The following FARS2 variants were observed in gnomAD, a reference collection of about 807,000 sequenced individuals.
The protein encoded by FARS2 is phenylalanine--tRNA ligase, mitochondrial.
A neutral mutation model predicts 46.4 loss-of-function variants in FARS2; 40 were observed. The ratio of observed to expected loss-of-function variants is 0.86; its 90% CI spans 0.67 to 1.12. The LOEUF is 1.12. FARS2 is among the 50% of genes most tolerant of loss of function. FARS2 has a pLI of 0.00. For synonymous variants in FARS2, 234 were observed against 214.9 expected, an observed-to-expected ratio of 1.09 and a Z score of -0.78; for missense variants, 513 against 567.9, an observed-to-expected ratio of 0.90 and a Z score of 0.98.
In FARS2 at chr6:5,706,391, C is replaced by T. The variant is rs79774020; in HGVS notation, c.1218-64900C>T. 2.7e-3 allele frequency among the ~76,000 whole-genome samples: 412 copies of T among 152,212 alleles called. 8 individuals are homozygous for T. In the East Asian group the frequency reaches 0.05, roughly 18 times the overall value. On this transcript the variant is annotated intron_variant, in intron 6 of 6. Transcript: ENST00000274680. ...AGTCTTGATCACCATCATGATTCTC[C>T]CACATAGTATGCTCGTGGTCAGTAG... is the stretch of plus-strand genomic sequence containing the variant.
intron 6 of FARS2, among the ~76,000 whole-genome samples, chr6:5,704,620 C>A (rs1009864732): frequency 2.0e-5 from 3 of 152,150 alleles, no homozygotes; most frequent in African/African-American, 7.2e-5. Context: ...CAAAGTGGTT[C>A]ATTGACGTCC....
chr6:5,432,672 C>A (rs991747627), intron 4 of FARS2, among the ~76,000 whole-genome samples: 1 of 150,874 alleles, frequency 6.6e-6, no homozygotes, highest in Non-Finnish European at 1.5e-5. Flanking sequence ...CGGCTCTGCT[C>A]CCTTAGAAGG....
At chr6:5,289,145 C>G (rs1292448088) in intron 1 of FARS2, among the ~76,000 whole-genome samples, 1 of 152,148 alleles carries the variant, frequency 6.6e-6, no homozygotes, top group Non-Finnish European at 1.5e-5. Context: ...ACACACTTAA[C>G]ATGTAACATG....
chr6:5,580,188 G>A (rs1773243055), intron 5 of FARS2, among the ~76,000 whole-genome samples: 1 of 150,194 alleles, frequency 6.7e-6, no homozygotes, highest in African/African-American at 2.5e-5. Context: ...TACTCAGGAG[G>A]CTCAAGCAGG....
At chr6:5,595,340 C>A (rs1774139742) in intron 5 of FARS2, among the ~76,000 whole-genome samples, 1 of 152,178 alleles carries the variant, frequency 6.6e-6, no homozygotes, top group Non-Finnish European at 1.5e-5. Context: ...GGAAATGACG[C>A]CTCAGCTGAA....
At chr6:5,565,631 A>G (rs568999955) in intron 5 of FARS2, among the ~76,000 whole-genome samples, 1 of 152,330 alleles carries the variant, frequency 6.6e-6, no homozygotes, top group Non-Finnish European at 1.5e-5. Context: ...TAGAAATCCC[A>G]TACAATTTTG....
chr6:5,318,387 C>CAAAAAAAAAAAAAAAAAAAAAAA (rs753113504), intron 1 of FARS2, among the ~76,000 whole-genome samples: 2 of 77,192 alleles, frequency 2.6e-5, no homozygotes, highest in African/African-American at 9.5e-5. Context: ...AAAAAAAAAC[C>CAAAAAAAAAAAAAAAAAAAAAAA]AAAAAAAAAA....
intron 5 of FARS2, among the ~76,000 whole-genome samples, chr6:5,552,239 A>G (rs1213254007): frequency 6.6e-6 from 1 of 152,194 alleles, no homozygotes; most frequent in Non-Finnish European, 1.5e-5. Flanking sequence ...AACTTGTTTT[A>G]TTACTACAGT....
chr6:5,259,406 A>T (rs1764844591), upstream of FARS2, among the ~76,000 whole-genome samples: 1 of 152,244 alleles, frequency 6.6e-6, no homozygotes, highest in African/African-American at 2.4e-5. Flanking sequence ...ATTAAGTAAA[A>T]TCATTCTCTC....
intron 4 of FARS2, among the ~76,000 whole-genome samples, chr6:5,444,492 A>AAGAG (rs1159436875): frequency 1.7e-4 from 6 of 35,580 alleles, no homozygotes; most frequent in Non-Finnish European, 3.1e-4. Flanking sequence ...AAAAAAAAAA[A>AAGAG]AGAGAGAGAG....
intron 6 of FARS2, among the ~76,000 whole-genome samples, chr6:5,619,840 T>G (rs1354718751): frequency 6.6e-6 from 1 of 152,082 alleles, no homozygotes; most frequent in Non-Finnish European, 1.5e-5. Context: ...TTCCATATGT[T>G]CATTCATTTT....
intron 1 of FARS2, among the ~76,000 whole-genome samples, chr6:5,328,766 G>A (rs1465785547): frequency 1.1e-4 from 16 of 151,724 alleles, no homozygotes; most frequent in Non-Finnish European, 8.8e-5. Flanking sequence ...GTAAGTAAGA[G>A]GTCCTTAAAA....
At chr6:5,491,666 C>T (rs973431179) in intron 4 of FARS2, among the ~76,000 whole-genome samples, 2 of 152,144 alleles carry the variant, frequency 1.3e-5, no homozygotes, top group Non-Finnish European at 2.9e-5. Context: ...ATAGCACATT[C>T]GTCATTTTCT....
chr6:5,381,370 A>AACACACACACAC (rs3057175), intron 2 of FARS2, among the ~76,000 whole-genome samples: 171 of 132,982 alleles, frequency 1.3e-3, no homozygotes, highest in East Asian at 8.0e-3. Flanking sequence ...ACTCCCCAGA[A>AACACACACACAC]ACACACACAC....
At chr6:5,596,546 G>T (rs74896056) in intron 5 of FARS2, among the ~76,000 whole-genome samples, 2,694 of 152,272 alleles carry the variant, frequency 0.018, 74 homozygotes, top group African/African-American at 0.06. Flanking sequence ...TCATTAAAGG[G>T]CTTGGAATTT....
intron 5 of FARS2, 91 bp downstream of exon 5, chr6:5,545,431 TTTTA>T (rs1439676619): frequency 4.5e-6 from 4 of 891,954 alleles, no homozygotes; most frequent in African/African-American, 3.5e-5. Flanking sequence ...CTGAATTTTA[TTTTA>T]TTTATTTTAT....
At chr6:5,441,504 T>C (rs1027599277) in intron 4 of FARS2, among the ~76,000 whole-genome samples, 3 of 152,334 alleles carry the variant, frequency 2.0e-5, no homozygotes, top group Admixed American at 6.5e-5. Flanking sequence ...ACAAATGAAA[T>C]CACAGTATAG....
intron 4 of FARS2, among the ~76,000 whole-genome samples, chr6:5,514,948 GT>G (rs5873986): frequency 2.0e-5 from 3 of 147,926 alleles, no homozygotes; most frequent in African/African-American, 5.0e-5. Context: ...TTTGTTTTTT[GT>G]TTTTTTTTTC....
At chr6:5,598,520 T>C (rs1774330562) in intron 5 of FARS2, among the ~76,000 whole-genome samples, 1 of 152,214 alleles carries the variant, frequency 6.6e-6, no homozygotes, top group Non-Finnish European at 1.5e-5. Context: ...GAAGTATCAA[T>C]CAATAAATGT....
Sources: allele counts gnomAD v4.1 joint callset (sites outside exome capture counted in the v4.1 genomes callset), GRCh38; gene constraint gnomAD v4.1.1; transcripts MANE v1.5; gene names NCBI Gene and HGNC (gene_info 2026-07-23, HGNC 2026-07-21).